Variants in ITGBL1 observed in about 807,000 individuals in gnomAD.
ITGBL1 encodes the protein integrin beta-like protein 1.
In ITGBL1, 51 loss-of-function variants were observed where a neutral mutation model predicts 68.5. The observed-to-expected ratio is 0.74, with a 90% confidence interval of 0.59 to 0.94. ITGBL1 has a LOEUF of 0.94. Among genes scored for constraint, ITGBL1 ranks in the 40% least tolerant of loss-of-function variants. The pLI is 0.00. For synonymous variants in ITGBL1, 209 were observed against 227.3 expected, an observed-to-expected ratio of 0.92 and a Z score of 0.72; for missense variants, 649 against 647.4, an observed-to-expected ratio of 1.00 and a Z score of -0.03.
intron 7 of ITGBL1, among the ~76,000 whole-genome samples, chr13:101,625,090 A>G (rs1167951178): frequency 6.6e-6 from 1 of 152,208 alleles, no homozygotes; most frequent in Non-Finnish European, 1.5e-5. Context: ...AGAGACATTC[A>G]GTGATGCAAT....
rs918505356 is a variant in ITGBL1 at position 101,715,875 on chromosome 13, A to G, written c.*221A>G. On this transcript the variant is annotated 3_prime_UTR_variant, in exon 11 of 11. Transcript: ENST00000376180. The stretch of plus-strand genomic sequence containing the variant: ...AAAAAAAGATTCTTCCATAATTAAC[A>G]TAAGTGGTTCCTAACGAGAGCAATT... 12 of 439,756 alleles carry G rather than the reference A, an allele frequency of 2.7e-5. 1 individual carries two copies. In the South Asian group the frequency reaches 3.7e-4, roughly 14 times the overall value. The allele number at this position is 439,756 out of a possible 1,614,324, so 27.2% of individuals were successfully genotyped here. A position where few individuals can be genotyped will look rare whatever the true frequency, so the allele number is the denominator to read the frequency against.
chr13:101,486,587 G>A (rs946488783), intron 2 of ITGBL1, among the ~76,000 whole-genome samples: 4 of 152,124 alleles, frequency 2.6e-5, no homozygotes, highest in African/African-American at 9.7e-5. Context: ...AGGTTACTGG[G>A]GAAATAAAGA....
downstream of ITGBL1, chr13:101,720,373 A>G (rs564519231): frequency 1.5e-4 from 23 of 152,278 alleles, no homozygotes; most frequent in African/African-American, 5.3e-4. Flanking sequence ...TAGACACCCC[A>G]TATATAAAAC....
intron 7 of ITGBL1, among the ~76,000 whole-genome samples, chr13:101,668,316 G>C (rs536060059): frequency 1.3e-5 from 2 of 152,194 alleles, no homozygotes; most frequent in South Asian, 4.1e-4. Context: ...GGAAGCCAGG[G>C]GGCAGAGGTT....
chr13:101,661,940 T>A (rs1443638287), intron 7 of ITGBL1, among the ~76,000 whole-genome samples: 2 of 152,184 alleles, frequency 1.3e-5, no homozygotes, highest in Admixed American at 1.3e-4. Context: ...TAATCCATCC[T>A]TTGTACTCTC....
intron 6 of ITGBL1, among the ~76,000 whole-genome samples, chr13:101,595,978 A>C (rs1340356633): frequency 1.3e-5 from 2 of 152,152 alleles, no homozygotes; most frequent in African/African-American, 2.4e-5. Context: ...AAAATGTGAG[A>C]TATATATCTA....
intron 2 of ITGBL1, among the ~76,000 whole-genome samples, chr13:101,550,472 A>G (rs568204116): frequency 1.3e-4 from 20 of 152,244 alleles, no homozygotes; most frequent in Admixed American, 5.2e-4. Context: ...AAACTTGATA[A>G]CTATCTCAAA....
chr13:101,567,392 T>G (rs1566735103), intron 2 of ITGBL1, among the ~76,000 whole-genome samples: 1 of 152,274 alleles, frequency 6.6e-6, no homozygotes, highest in East Asian at 1.9e-4. Flanking sequence ...AATACTGAGA[T>G]GCTGGATAGA....
chr13:101,545,668 C>A (rs985064571), intron 2 of ITGBL1, among the ~76,000 whole-genome samples: 1 of 152,076 alleles, frequency 6.6e-6, no homozygotes, highest in Non-Finnish European at 1.5e-5. Flanking sequence ...AGGAAAAAAT[C>A]TAATGGGAGA....
At chr13:101,592,530 C>T (rs1474419922) in intron 6 of ITGBL1, among the ~76,000 whole-genome samples, 2 of 152,034 alleles carry the variant, frequency 1.3e-5, no homozygotes, top group East Asian at 3.8e-4. Flanking sequence ...GGAAAGATAT[C>T]TCATGATCAT....
At chr13:101,667,254 G>A (rs2033243189) in intron 7 of ITGBL1, among the ~76,000 whole-genome samples, 1 of 152,114 alleles carries the variant, frequency 6.6e-6, no homozygotes, top group Non-Finnish European at 1.5e-5. Context: ...TTAGAAAAGT[G>A]CAACTAGAGG....
chr13:101,480,949 C>T (rs1261642475), intron 2 of ITGBL1, among the ~76,000 whole-genome samples: 2 of 151,136 alleles, frequency 1.3e-5, no homozygotes, highest in Non-Finnish European at 2.9e-5. Flanking sequence ...TGGAGAGAAA[C>T]CTTCAGAGAT....
Position 101,714,482 on chromosome 13 carries a change from T to C in ITGBL1, c.1324T>C (p.Tyr442His), listed in dbSNP as rs2034625563. 6.2e-7 allele frequency: 1 copy of C among 1,612,982 alleles called. No individual in the cohort carries two copies. Among genetic ancestry groups the C allele is most frequent in the Non-Finnish European group, 8.5e-7 (1 of 1,178,970 alleles). ...GTGCATTTGTTCTGCTGAAGAGTGGTATATTTCTGGGGAGTTCTGTGACTG... is the reference window on the plus strand; with the variant it reads ...GTGCATTTGTTCTGCTGAAGAGTGGCATATTTCTGGGGAGTTCTGTGACTG... The part of the protein sequence containing the change: ...GKCICSAEEW[Y>H]ISGEFCDCDD... Residue 442 changes from tyrosine to histidine, a missense_variant, in exon 10 of 11, where the codon TAT becomes CAT. Coordinates refer to ENST00000376180, the MANE Select transcript of ITGBL1 (RefSeq NM_004791.3).
At position 101,692,574 on chromosome 13, in the gene ITGBL1, A is replaced by T; in HGVS notation, c.1016-11A>T. ...CTCCTCATAAGTGTGCACTTTCTTT[A>T]TACTTTCCAGGTAAATGTGAATGTG... On this transcript the variant is annotated splice_polypyrimidine_tract_variant and intron_variant, in intron 7 of 10. Transcript: ENST00000376180. The T allele has an allele frequency of 6.3e-7, 1 of 1,588,234 alleles. No homozygotes were observed. The highest frequency in any genetic ancestry group is 8.6e-7 in the Non-Finnish European group (1 of 1,156,550).
intron 7 of ITGBL1, among the ~76,000 whole-genome samples, chr13:101,650,971 G>A (rs534285890): frequency 6.6e-5 from 10 of 152,258 alleles, no homozygotes; most frequent in Non-Finnish European, 1.0e-4. Context: ...TCCCTGCAAA[G>A]GACATGATCT....
intron 2 of ITGBL1, among the ~76,000 whole-genome samples, chr13:101,559,849 T>G (rs1283764249): frequency 6.6e-6 from 1 of 152,238 alleles, no homozygotes; most frequent in Non-Finnish European, 1.5e-5. Context: ...AAGCCAATAA[T>G]TATTAGATTC....
At chr13:101,705,220 A>G (rs2034229458) in intron 8 of ITGBL1, among the ~76,000 whole-genome samples, 2 of 148,066 alleles carry the variant, frequency 1.4e-5, no homozygotes, top group South Asian at 4.4e-4. Context: ...GTTAGGAGGC[A>G]CTTGTTGCAT....
chr13:101,603,300 C>T (rs987263315), intron 7 of ITGBL1, among the ~76,000 whole-genome samples: 6 of 151,962 alleles, frequency 3.9e-5, no homozygotes, highest in Non-Finnish European at 8.8e-5. Context: ...GAAAGTGTCT[C>T]AGGTTGTTTG....
chr13:101,692,919 T>G, intron 8 of ITGBL1: 1 of 445,468 alleles, frequency 2.2e-6, no homozygotes, highest in African/African-American at 2.0e-5. Context: ...CGCAGTACAC[T>G]ATCAATAAAA....
Sources: gnomAD v4.1 joint callset for allele counts (sites outside exome capture counted in the v4.1 genomes callset) on GRCh38, gnomAD v4.1.1 for gene constraint, MANE v1.5 for transcripts, NCBI Gene and HGNC (gene_info 2026-07-23, HGNC 2026-07-21) for gene names.